The following AAGAB variants were observed in gnomAD, a reference collection of about 807,000 sequenced individuals.
The protein encoded by AAGAB is alpha and gamma adaptin binding protein, also known as alpha- and gamma-adaptin-binding protein p34.
Under a neutral mutation model 44.1 loss-of-function variants are expected in AAGAB, and 38 were observed. That is an observed-to-expected ratio of 0.86 (90% CI 0.67 to 1.13). The LOEUF is 1.13. Ranked by LOEUF, AAGAB falls within the 50% of genes most tolerant of loss-of-function variation. The probability of loss-of-function intolerance (pLI) is 0.00; values close to 1 mark genes in which losing one functional copy is unlikely to be tolerated. For synonymous variants in AAGAB, 131 were observed against 131.8 expected (o/e 0.99, Z 0.04); for missense variants, 450 against 373.8 (o/e 1.20, Z -1.68).
chr15:67,221,692 C>A (rs890293480), intron 5 of AAGAB, among the ~76,000 whole-genome samples: 1 of 152,166 alleles, frequency 6.6e-6, no homozygotes, highest in African/African-American at 2.4e-5. Context: ...TCCATACCCC[C>A]CTGGGTCTCA....
intron 4 of AAGAB, among the ~76,000 whole-genome samples, chr15:67,233,633 A>C (rs1238518717): frequency 6.6e-6 from 1 of 152,210 alleles, no homozygotes; most frequent in African/African-American, 2.4e-5. Context: ...TCTGAATTTG[A>C]ACCCAGGCTC....
intron 5 of AAGAB, among the ~76,000 whole-genome samples, chr15:67,214,889 C>G (rs765749788): frequency 5.9e-5 from 9 of 152,026 alleles, no homozygotes; most frequent in Non-Finnish European, 1.2e-4. Flanking sequence ...ATCTGCCCGC[C>G]TTGGCCTCCC....
upstream of AAGAB, chr15:67,255,027 C>T: frequency 7.2e-7 from 1 of 1,382,752 alleles, no homozygotes; most frequent in Non-Finnish European, 1.0e-6. Context: ...GATTCACCGA[C>T]GCTCACCCAT....
At chr15:67,251,206 T>C (rs914960992) in intron 1 of AAGAB, among the ~76,000 whole-genome samples, 6 of 151,016 alleles carry the variant, frequency 4.0e-5, no homozygotes, top group Non-Finnish European at 8.8e-5. Context: ...CTGATTCTTA[T>C]TTTAAGTGCG....
chr15:67,252,677 GA>G (rs1392883381), intron 1 of AAGAB, among the ~76,000 whole-genome samples: 1 of 152,164 alleles, frequency 6.6e-6, no homozygotes, highest in African/African-American at 2.4e-5. Flanking sequence ...AAAGAAGGAA[GA>G]AAGGAGGGAA....
intron 5 of AAGAB, among the ~76,000 whole-genome samples, chr15:67,212,562 A>C (rs976104644): frequency 6.6e-6 from 1 of 152,216 alleles, no homozygotes; most frequent in Non-Finnish European, 1.5e-5. Context: ...GGCTAATTAT[A>C]ATAAGCCAGA....
chr15:67,203,707 T>C (rs1963620618), intron 8 of AAGAB, 110 bp from the exon 9 acceptor site: 8 of 951,268 alleles, frequency 8.4e-6, no homozygotes, highest in African/African-American at 6.5e-5. Context: ...GTTTATGATG[T>C]AGTCATTACA....
chr15:67,254,352 AG>A (rs571103276), intron 1 of AAGAB: 1 of 1,351,294 alleles, frequency 7.4e-7, no homozygotes, highest in Non-Finnish European at 9.6e-7. Context: ...GGAAGCCGAA[AG>A]GAACGCCGAA....
In AAGAB at chr15:67,236,704, G is replaced by A; in HGVS notation, c.190C>T (p.Pro64Ser). 6.2e-7 allele frequency: 1 copy of A among 1,613,960 alleles called. No homozygotes were observed. Residue 64 changes from proline to serine, a missense_variant, in exon 2 of 10, where the codon CCA becomes TCA. Coordinates refer to ENST00000261880, the MANE Select transcript of AAGAB (RefSeq NM_024666.5). ...TCTGCAGTAACAAGAAATTTGTTTG[G>A]CACCACACATAGATTGATGTCTGCT... Reference protein sequence around the residue: ...YSADINLCVVPNKFLVTAEIA... With the variant: ...YSADINLCVVSNKFLVTAEIA...
chr15:67,254,685 C>A, upstream of AAGAB: 1 of 1,544,666 alleles, frequency 6.5e-7, no homozygotes, highest in Non-Finnish European at 8.8e-7. Flanking sequence ...TTGGGCTGCA[C>A]CACGGCCGCC....
chr15:67,243,938 G>A (rs1964662678), intron 1 of AAGAB, among the ~76,000 whole-genome samples: 1 of 151,978 alleles, frequency 6.6e-6, no homozygotes, highest in Non-Finnish European at 1.5e-5. Flanking sequence ...ATCTATGAAT[G>A]GTAGATTTCT....
chr15:67,224,430 T>C (rs1964151772), intron 5 of AAGAB, among the ~76,000 whole-genome samples: 1 of 152,158 alleles, frequency 6.6e-6, no homozygotes. Flanking sequence ...ACTGCTGACC[T>C]TTGCGAGATA....
chr15:67,232,736 GA>G, intron 4 of AAGAB: 1 of 240,722 alleles, frequency 4.2e-6, no homozygotes. Flanking sequence ...TGTGTGAGAA[GA>G]AAAAGACCTT....
intron 1 of AAGAB, 69 bp downstream of exon 1, chr15:67,254,490 T>C (rs1965018203): frequency 2.6e-6 from 4 of 1,520,332 alleles, no homozygotes; most frequent in Non-Finnish European, 3.5e-6. Context: ...AGAGAGGCCG[T>C]GGTGCTGGGT....
chr15:67,252,679 A>C (rs772661256), intron 1 of AAGAB, among the ~76,000 whole-genome samples: 5 of 152,176 alleles, frequency 3.3e-5, no homozygotes, highest in Non-Finnish European at 7.4e-5. Context: ...AGAAGGAAGA[A>C]AGGAGGGAAG....
In AAGAB at chr15:67,254,312, C is replaced by G. The variant is rs140586320; in HGVS notation, c.73+247G>C. On this transcript the variant is annotated intron_variant, in intron 1 of 9. Transcript: ENST00000261880. ...GCAAAAACCTGTGGCCTGGGCTGAGCAGAGCGGGAAATCAGTCTCACTTTA... is the reference window on the plus strand; with the variant it reads ...GCAAAAACCTGTGGCCTGGGCTGAGGAGAGCGGGAAATCAGTCTCACTTTA... 1.2e-4 allele frequency: 126 copies of G among 1,091,054 alleles called. 1 individual carries two copies. The East Asian group carries it at 3.3e-3, about 29-fold the overall frequency. The allele number at this position is 1,091,054 out of a possible 1,614,324, so 67.6% of individuals were successfully genotyped here.
chr15:67,250,071 T>C (rs758264494), intron 1 of AAGAB, among the ~76,000 whole-genome samples: 1 of 152,230 alleles, frequency 6.6e-6, no homozygotes, highest in Non-Finnish European at 1.5e-5. Context: ...TCCAGGGACT[T>C]TTCTATCTAA....
At chr15:67,251,114 C>T (rs954702622) in intron 1 of AAGAB, among the ~76,000 whole-genome samples, 1 of 152,208 alleles carries the variant, frequency 6.6e-6, no homozygotes, top group Non-Finnish European at 1.5e-5. Context: ...ACCCAGAATA[C>T]TGCAAATAAG....
chr15:67,238,571 C>T (rs888984048), intron 1 of AAGAB, among the ~76,000 whole-genome samples: 3 of 152,166 alleles, frequency 2.0e-5, no homozygotes, highest in Non-Finnish European at 4.4e-5. Context: ...GCACAGCTAA[C>T]ACACATACCA....
Sources: gnomAD v4.1 joint callset for allele counts (sites outside exome capture counted in the v4.1 genomes callset) on GRCh38, gnomAD v4.1.1 for gene constraint, MANE v1.5 for transcripts, NCBI Gene and HGNC (gene_info 2026-07-23, HGNC 2026-07-21) for gene names.